Variants in ADAM12 observed in about 807,000 individuals in gnomAD.
The protein encoded by ADAM12 is disintegrin and metalloproteinase domain-containing protein 12.
A neutral mutation model predicts 106.4 loss-of-function variants in ADAM12; 70 were observed. The observed-to-expected ratio is 0.66, with a 90% CI of 0.54 to 0.80. The LOEUF (loss-of-function observed/expected upper bound fraction) is 0.80. ADAM12 is among the 30% of genes least tolerant of loss of function. The pLI is 0.00. For synonymous variants in ADAM12, 420 were observed against 433.5 expected (o/e 0.97, Z 0.39); for missense variants, 1,010 against 1,171.9 (o/e 0.86, Z 2.02).
intron 17 of ADAM12, among the ~76,000 whole-genome samples, chr10:126,045,606 C>G (rs577186978): frequency 2.6e-5 from 4 of 152,144 alleles, no homozygotes; most frequent in Non-Finnish European, 4.4e-5. Context: ...AAAATAACAG[C>G]CTTCTTTAGT....
intron 2 of ADAM12, among the ~76,000 whole-genome samples, chr10:126,308,189 T>C (rs980660932): frequency 6.6e-6 from 1 of 152,178 alleles, no homozygotes; most frequent in African/African-American, 2.4e-5. Flanking sequence ...GTATCTGTCT[T>C]TTTGGCCCAC....
chr10:126,017,927 C>T (rs1342277230), intron 22 of ADAM12, among the ~76,000 whole-genome samples: 1 of 152,206 alleles, frequency 6.6e-6, no homozygotes, highest in Non-Finnish European at 1.5e-5. Flanking sequence ...GGCTTCCCCT[C>T]ATTGTTTTCA....
intron 3 of ADAM12, among the ~76,000 whole-genome samples, chr10:126,244,105 G>A (rs1229296085): frequency 6.6e-6 from 1 of 152,182 alleles, no homozygotes; most frequent in African/African-American, 2.4e-5. Context: ...AAAACTGTGG[G>A]TTTGATGGTC....
At chr10:126,082,048 C>T (rs986258984) in intron 11 of ADAM12, among the ~76,000 whole-genome samples, 2 of 152,226 alleles carry the variant, frequency 1.3e-5, no homozygotes, top group Non-Finnish European at 2.9e-5. Flanking sequence ...AGCAAAACAG[C>T]CTGTTCCATT....
rs71833417 is a variant in ADAM12, at chr10:126,126,450, G to GT, written c.417-8227dup. On this transcript the variant is annotated intron_variant, in intron 5 of 22. Transcript: ENST00000448723. ...AGGGAATAGTTTCCTTATTTTCGTT[G>GT]TTTTTTTTAGAACCAGCATTGCAGT... 3.5e-3 allele frequency among the ~76,000 whole-genome samples: 528 copies of GT among 151,892 alleles called. 10 individuals are homozygous for GT. The East Asian group carries it at 0.069, about 20-fold the overall frequency.
chr10:126,059,171 A>T (rs1278269), intron 14 of ADAM12, among the ~76,000 whole-genome samples: 2 of 151,954 alleles, frequency 1.3e-5, no homozygotes, highest in East Asian at 1.9e-4. Flanking sequence ...ATGTCATTAT[A>T]TTTTTTTTGA....
At chr10:126,312,276 A>G (rs1331921580) in intron 2 of ADAM12, among the ~76,000 whole-genome samples, 1 of 152,078 alleles carries the variant, frequency 6.6e-6, no homozygotes, top group East Asian at 1.9e-4. Flanking sequence ...CCAGCGGGGG[A>G]CACAAGATGG....
chr10:126,044,546 T>G (rs1006275341), intron 17 of ADAM12, among the ~76,000 whole-genome samples: 2 of 152,178 alleles, frequency 1.3e-5, no homozygotes, highest in East Asian at 3.9e-4. Context: ...ACAATGACAT[T>G]CAGTAAATCA....
At chr10:126,287,244 G>A (rs893600687) in intron 2 of ADAM12, among the ~76,000 whole-genome samples, 1 of 152,182 alleles carries the variant, frequency 6.6e-6, no homozygotes, top group African/African-American at 2.4e-5. Context: ...CCAGGCACGT[G>A]CATCTGTCTG....
At chr10:126,128,343 T>C (rs1043177844) in intron 5 of ADAM12, among the ~76,000 whole-genome samples, 7 of 152,174 alleles carry the variant, frequency 4.6e-5, no homozygotes, top group African/African-American at 1.7e-4. Flanking sequence ...GCAAACTGCA[T>C]GACAGCAATG....
At chr10:126,230,447 A>G (rs563201832) in intron 3 of ADAM12, among the ~76,000 whole-genome samples, 25 of 152,320 alleles carry the variant, frequency 1.6e-4, no homozygotes, top group African/African-American at 6.0e-4. Flanking sequence ...CGAATGCTGT[A>G]TGTTTAATAT....
intron 2 of ADAM12, among the ~76,000 whole-genome samples, chr10:126,310,739 G>C (rs1961046913): frequency 1.3e-5 from 2 of 152,230 alleles, no homozygotes; most frequent in Non-Finnish European, 2.9e-5. Flanking sequence ...ATTATCAATG[G>C]GAAGGTACAA....
Position 126,269,771 on chromosome 10 carries a change from G to C in ADAM12, c.260+9144C>G, listed in dbSNP as rs138099110. On this transcript the variant is annotated intron_variant, in intron 3 of 22. Transcript: ENST00000448723. ...AGTGCAAGGGATGTAATGAAATGTGGAACTCCATCTCCATCTCAAATGCCC... is the reference window on the plus strand; with the variant it reads ...AGTGCAAGGGATGTAATGAAATGTGCAACTCCATCTCCATCTCAAATGCCC... Among the ~76,000 whole-genome samples, 43 of 152,296 alleles carry C rather than the reference G, an allele frequency of 2.8e-4. No homozygotes were observed. In the East Asian group the frequency reaches 7.8e-3, roughly 27 times the overall value.
intron 21 of ADAM12, among the ~76,000 whole-genome samples, chr10:126,024,528 G>A (rs1845135371): frequency 6.6e-6 from 1 of 152,156 alleles, no homozygotes; most frequent in African/African-American, 2.4e-5. Context: ...GTAAAGCAAT[G>A]TTTAGAGGAA....
At chr10:126,384,210 C>T (rs1031566006) in intron 1 of ADAM12, among the ~76,000 whole-genome samples, 63 of 152,176 alleles carry the variant, frequency 4.1e-4, no homozygotes, top group African/African-American at 1.4e-3. Context: ...ACACCAGTTA[C>T]ACCAGCCACC....
chr10:126,082,831 T>C (rs1306471202), intron 11 of ADAM12, among the ~76,000 whole-genome samples: 1 of 152,144 alleles, frequency 6.6e-6, no homozygotes, highest in Non-Finnish European at 1.5e-5. Flanking sequence ...GAGGTCCTCT[T>C]ACAGTATGAG....
chr10:126,190,608 C>A (rs1957481467), intron 3 of ADAM12, among the ~76,000 whole-genome samples: 1 of 152,108 alleles, frequency 6.6e-6, no homozygotes, highest in South Asian at 2.1e-4. Context: ...GGTTCAAAGT[C>A]TGGTGGGAAG....
chr10:126,155,478 T>G (rs1956798560), intron 3 of ADAM12, among the ~76,000 whole-genome samples, 173 bp from the exon 4 acceptor site: 1 of 151,804 alleles, frequency 6.6e-6, no homozygotes, highest in African/African-American at 2.4e-5. Context: ...CCGGGGAGAA[T>G]TCAGAGGAGA....
chr10:126,232,214 G>A (rs1958326207), intron 3 of ADAM12, among the ~76,000 whole-genome samples: 1 of 152,082 alleles, frequency 6.6e-6, no homozygotes, highest in Non-Finnish European at 1.5e-5. Context: ...AACCACAAAG[G>A]TCCTTATAAG....
Sources: allele counts gnomAD v4.1 joint callset (sites outside exome capture counted in the v4.1 genomes callset), GRCh38; gene constraint gnomAD v4.1.1; transcripts MANE v1.5; gene names NCBI Gene and HGNC (gene_info 2026-07-23, HGNC 2026-07-21).